Variants in APBA1 observed in about 807,000 individuals in gnomAD.
APBA1 encodes the protein amyloid beta precursor protein binding family A member 1, also known as amyloid-beta A4 precursor protein-binding family A member 1.
APBA1 carries 55 observed loss-of-function variants against 86.6 expected under a neutral mutation model. The observed-to-expected ratio is 0.64, with a 90% confidence interval of 0.51 to 0.80. APBA1 has a LOEUF of 0.80. Ranked by LOEUF, APBA1 falls within the 30% of genes least tolerant of loss-of-function variation. The pLI, the probability that APBA1 is intolerant of heterozygous loss-of-function variation, is 0.00. For synonymous variants in APBA1, 511 were observed against 493.9 expected (o/e 1.03, Z -0.46); for missense variants, 1,090 against 1,183.0 (o/e 0.92, Z 1.15).
chr9:69,530,320 A>ATG (rs1344689825), intron 1 of APBA1, among the ~76,000 whole-genome samples: 1 of 141,266 alleles, frequency 7.1e-6, no homozygotes, highest in Non-Finnish European at 1.5e-5. Flanking sequence ...ATATATATAT[A>ATG]TATATATATA....
At chr9:69,449,523 G>C in intron 10 of APBA1, 61 bp downstream of exon 10, 1 of 1,425,382 alleles carries the variant, frequency 7.0e-7, no homozygotes, top group East Asian at 2.3e-5. Flanking sequence ...ACTGGATGGG[G>C]GTCACACTTC....
At chr9:69,665,618 G>A (rs887065349) in intron 1 of APBA1, among the ~76,000 whole-genome samples, 1 of 152,134 alleles carries the variant, frequency 6.6e-6, no homozygotes, top group Non-Finnish European at 1.5e-5. Context: ...ACAAAACAAA[G>A]TTCTAGCCTC....
At chr9:69,627,862 G>GC (rs1339867385) in intron 1 of APBA1, among the ~76,000 whole-genome samples, 1 of 152,128 alleles carries the variant, frequency 6.6e-6, no homozygotes, top group Non-Finnish European at 1.5e-5. Flanking sequence ...AAGGTGTGAT[G>GC]CAACGGCTAA....
chr9:69,602,805 G>T (rs1822380363), intron 1 of APBA1, among the ~76,000 whole-genome samples: 1 of 152,038 alleles, frequency 6.6e-6, no homozygotes, highest in African/African-American at 2.4e-5. Context: ...TTATTCTAGT[G>T]ACTGCCTACA....
At chr9:69,569,448 AGT>A (rs71507121) in intron 1 of APBA1, among the ~76,000 whole-genome samples, 12,282 of 144,864 alleles carry the variant, frequency 0.085, 479 homozygotes, top group African/African-American at 0.1. Context: ...GTCACGTGTG[AGT>A]GTGTGTGTGT....
chr9:69,454,997 C>G (rs1835071529), intron 8 of APBA1, among the ~76,000 whole-genome samples: 1 of 152,062 alleles, frequency 6.6e-6, no homozygotes. Context: ...AGAACAAGAC[C>G]AATAAAAGAT....
At chr9:69,593,414 G>A (rs190685532) in intron 1 of APBA1, among the ~76,000 whole-genome samples, 1 of 152,190 alleles carries the variant, frequency 6.6e-6, no homozygotes, top group East Asian at 1.9e-4. Context: ...CACTTGCTTA[G>A]ACCTCCTCCA....
intron 1 of APBA1, among the ~76,000 whole-genome samples, chr9:69,649,966 T>C (rs1177087701): frequency 6.6e-6 from 1 of 152,206 alleles, no homozygotes; most frequent in African/African-American, 2.4e-5. Context: ...AGATTTTAAC[T>C]GCTACAGCTT....
intron 1 of APBA1, among the ~76,000 whole-genome samples, chr9:69,620,332 T>G (rs1822791125): frequency 1.3e-5 from 2 of 152,120 alleles, no homozygotes; most frequent in African/African-American, 4.8e-5. Flanking sequence ...GGAAAATGGG[T>G]TGTGGCCAGC....
At chr9:69,446,167 T>A (rs753425637) in intron 10 of APBA1, among the ~76,000 whole-genome samples, 20 of 152,192 alleles carry the variant, frequency 1.3e-4, no homozygotes, top group Non-Finnish European at 2.8e-4. Context: ...GTGTGTTTTC[T>A]AGAGAATTTT....
Position 69,516,578 on chromosome 9 carries a change from G to A in APBA1, c.633C>T (p.Asp211=). The A allele has an allele frequency of 1.2e-6, 2 of 1,601,668 alleles. No individual in the cohort carries two copies. The highest frequency in any genetic ancestry group is 1.3e-5 in the African/African-American group (1 of 74,972). The change falls in exon 2 of 13, where the codon GAC becomes GAT. Residue 211 remains aspartate, a synonymous_variant. Transcript: ENST00000265381. This position sits in a 1 kb window ranked among gnomAD's most constrained non-coding sequence, Gnocchi z 7.3. ...IGDAPELDAR[D]GLRLYEQERD... is the part of the protein sequence containing the mutation. ...GCTCCTGCTCGTAGAGCCGCAGGCC[G>A]TCGCGTGCGTCCAGCTCGGGCGCGT...
intron 1 of APBA1, among the ~76,000 whole-genome samples, chr9:69,552,338 C>T (rs1416933331): frequency 1.3e-5 from 2 of 152,216 alleles, no homozygotes; most frequent in Non-Finnish European, 2.9e-5. Context: ...ACACGTACCA[C>T]AGAGCGAATG....
At chr9:69,437,438 A>G (rs1300910951) in intron 11 of APBA1, among the ~76,000 whole-genome samples, 6 of 133,444 alleles carry the variant, frequency 4.5e-5, no homozygotes, top group Non-Finnish European at 9.4e-5. Flanking sequence ...GCTATTAATT[A>G]TTGGCTCAAT....
chr9:69,566,176 C>T (rs549907632), intron 1 of APBA1, among the ~76,000 whole-genome samples: 4 of 152,310 alleles, frequency 2.6e-5, no homozygotes, highest in South Asian at 2.1e-4. Flanking sequence ...GGTAGGTCTC[C>T]GTGCTGCATA....
intron 1 of APBA1, among the ~76,000 whole-genome samples, chr9:69,650,941 AAGAC>A (rs1213413500): frequency 1.3e-5 from 2 of 152,222 alleles, no homozygotes; most frequent in Non-Finnish European, 2.9e-5. Context: ...AAGAAATACA[AAGAC>A]AGAAAGACAT....
At chr9:69,539,397 A>G (rs1388334337) in intron 1 of APBA1, among the ~76,000 whole-genome samples, 2 of 152,224 alleles carry the variant, frequency 1.3e-5, no homozygotes. Flanking sequence ...AAACCTTGGC[A>G]TTATCTTTTA....
At chr9:69,645,199 T>C (rs1013103460) in intron 1 of APBA1, among the ~76,000 whole-genome samples, 2 of 152,172 alleles carry the variant, frequency 1.3e-5, no homozygotes, top group African/African-American at 2.4e-5. Flanking sequence ...AACTTGTATG[T>C]TTTTTATTAC....
intron 1 of APBA1, among the ~76,000 whole-genome samples, chr9:69,541,119 C>T (rs1836602379): frequency 6.6e-6 from 1 of 152,038 alleles, no homozygotes; most frequent in Admixed American, 6.5e-5. Context: ...GTTTCTACAC[C>T]TTGGCTATTG....
At chr9:69,554,167 G>A (rs983494358) in intron 1 of APBA1, among the ~76,000 whole-genome samples, 2 of 152,114 alleles carry the variant, frequency 1.3e-5, no homozygotes, top group East Asian at 1.9e-4. Context: ...AAAATGCTAC[G>A]GAAATATTAA....
Sources: gnomAD v4.1 joint callset for allele counts (sites outside exome capture counted in the v4.1 genomes callset) on GRCh38, gnomAD v4.1.1 for gene constraint, Gnocchi (gnomAD v3.1) non-coding constraint, MANE v1.5 for transcripts, NCBI Gene and HGNC (gene_info 2026-07-23, HGNC 2026-07-21) for gene names.